The following LMBR1 variants were observed in gnomAD, a reference collection of about 807,000 sequenced individuals.
LMBR1 encodes the protein limb region 1 protein homolog.
In LMBR1, 52 loss-of-function variants were observed where a neutral mutation model predicts 73.9. The observed-to-expected ratio is 0.70, with a 90% CI of 0.56 to 0.89. The LOEUF (loss-of-function observed/expected upper bound fraction) is 0.89. Among genes scored for constraint, LMBR1 ranks in the 40% least tolerant of loss-of-function variants. The pLI, the probability that LMBR1 is intolerant of heterozygous loss-of-function variation, is 0.00. For missense variants in LMBR1, 539 were observed against 579.8 expected (o/e 0.93, Z 0.72); for synonymous variants, 215 against 209.4 (o/e 1.03, Z -0.23).
intron 9 of LMBR1, among the ~76,000 whole-genome samples, chr7:156,747,728 A>G (rs1820103686): frequency 6.6e-6 from 1 of 152,196 alleles, no homozygotes. Flanking sequence ...ATTATCCAAG[A>G]AGCTCTTTAA....
chr7:156,697,320 G>T (rs914627975), intron 15 of LMBR1, among the ~76,000 whole-genome samples: 1 of 152,096 alleles, frequency 6.6e-6, no homozygotes, highest in African/African-American at 2.4e-5. Flanking sequence ...CACTGATAAG[G>T]GTCTGTTCAG....
chr7:156,798,203 T>C (rs986166757), intron 4 of LMBR1, among the ~76,000 whole-genome samples: 20 of 152,204 alleles, frequency 1.3e-4, no homozygotes, highest in African/African-American at 4.8e-4. Flanking sequence ...TCTGTAGACA[T>C]TGGTAAGCAT....
In LMBR1 at chr7:156,683,822, CAGA is replaced by C; in HGVS notation, c.*253_*255del. 2.8e-6 allele frequency: 1 copy of C among 363,038 alleles called. No individual in the cohort carries two copies. The highest frequency in any genetic ancestry group is 7.2e-4 in the Middle Eastern group (1 of 1,396). The allele number at this position is 363,038 out of a possible 1,614,324, so 22.5% of individuals were successfully genotyped here. ...ATTTACCAACATGAGCAAATGTCTA[CAGA>C]AGAATGCGCTGTTCTATATGTCTGT... On this transcript the variant is annotated 3_prime_UTR_variant, in exon 17 of 17. Coordinates refer to ENST00000353442, the MANE Select transcript of LMBR1 (RefSeq NM_022458.4).
At chr7:156,773,760 C>T (rs1347418493) in intron 5 of LMBR1, among the ~76,000 whole-genome samples, 1 of 151,914 alleles carries the variant, frequency 6.6e-6, no homozygotes, top group African/African-American at 2.4e-5. Context: ...GGAAAAAAAA[C>T]CTAGGAAATA....
intron 3 of LMBR1, among the ~76,000 whole-genome samples, chr7:156,827,077 A>G (rs970491671): frequency 6.6e-6 from 1 of 152,200 alleles, no homozygotes; most frequent in African/African-American, 2.4e-5. Flanking sequence ...TTTATTTCAC[A>G]ATTGCATTTA....
At chr7:156,771,640 G>A (rs567799910) in intron 5 of LMBR1, among the ~76,000 whole-genome samples, 139 of 152,134 alleles carry the variant, frequency 9.1e-4, no homozygotes, top group Middle Eastern at 6.8e-3. Flanking sequence ...ATTCATGACC[G>A]AATCCTATCA....
intron 15 of LMBR1, among the ~76,000 whole-genome samples, chr7:156,690,975 T>C (rs58425011): frequency 0.069 from 10,469 of 152,086 alleles, 411 homozygotes; most frequent in East Asian, 0.15. Flanking sequence ...TAAGAAAAAA[T>C]GGCAATACTC....
intron 1 of LMBR1, among the ~76,000 whole-genome samples, chr7:156,859,551 T>A (rs1221880418): frequency 6.9e-6 from 1 of 144,090 alleles, no homozygotes; most frequent in Non-Finnish European, 1.5e-5. Context: ...TACCAGCAAT[T>A]AACAACTGGA....
intron 1 of LMBR1, among the ~76,000 whole-genome samples, chr7:156,848,930 C>CAAA (rs4019953): frequency 5.7e-4 from 64 of 111,642 alleles, no homozygotes; most frequent in Admixed American, 3.9e-3. Flanking sequence ...GACTCTGTCT[C>CAAA]AAAAAAAAAA....
intron 15 of LMBR1, among the ~76,000 whole-genome samples, chr7:156,688,545 G>A (rs1233964597): frequency 4.6e-5 from 7 of 151,896 alleles, no homozygotes; most frequent in African/African-American, 7.3e-5. Flanking sequence ...GAGACAGGAC[G>A]GCTGTAACTG....
rs981256596 is a variant in LMBR1 at position 156,669,469 on chromosome 7, A to G, written n.867-182T>C. ...ATGGAGGAACCGTGCCGTTCCCTGG[A>G]ACCTCTGTCCAGGCAGAGGGCAGCA... On this transcript the variant is annotated intron_variant and non_coding_transcript_variant, in intron 4 of 4. Transcript: ENST00000430825. The surrounding 1 kb of genome is among the most constrained non-coding windows in gnomAD (Gnocchi z 4.2). Among the ~76,000 whole-genome samples the G allele has an allele frequency of 2.0e-5, 3 of 152,132 alleles. No individual in the cohort carries two copies. Among genetic ancestry groups the G allele is most frequent in the Admixed American group, 6.5e-5 (1 of 15,276 alleles).
At position 156,784,272 on chromosome 7, in the gene LMBR1, C is replaced by A. The variant is rs1827691430; in HGVS notation, c.423+12117G>T. ...TCAAATGTTTGTTCGTCTTTGAATTCTCTGTTCATCTCCGTATTTAAGAAC... is the reference window on the plus strand; with the variant it reads ...TCAAATGTTTGTTCGTCTTTGAATTATCTGTTCATCTCCGTATTTAAGAAC... On this transcript the variant is annotated intron_variant, in intron 5 of 16. Coordinates refer to ENST00000353442, the MANE Select transcript of LMBR1 (RefSeq NM_022458.4). Among the ~76,000 whole-genome samples, 4 of 152,124 alleles carry A rather than the reference C, an allele frequency of 2.6e-5. No individual in the cohort carries two copies. The South Asian group carries it at 8.3e-4, about 31-fold the overall frequency.
intron 15 of LMBR1, among the ~76,000 whole-genome samples, chr7:156,704,567 G>A (rs1179363570): frequency 1.3e-5 from 2 of 149,880 alleles, no homozygotes; most frequent in African/African-American, 2.5e-5. Context: ...CACCCTCAAA[G>A]GAAAACAATA....
At chr7:156,794,629 A>G (rs1829789311) in intron 5 of LMBR1, among the ~76,000 whole-genome samples, 1 of 152,212 alleles carries the variant, frequency 6.6e-6, no homozygotes, top group African/African-American at 2.4e-5. Flanking sequence ...TATAAAAAGT[A>G]TAAATTAGGT....
At chr7:156,727,786 G>C (rs951113141) in intron 12 of LMBR1, 144 bp downstream of exon 12, 12 of 369,276 alleles carry the variant, frequency 3.2e-5, no homozygotes, top group Non-Finnish European at 5.3e-5. Flanking sequence ...ATATTTTAAA[G>C]GCTCTTTGCA....
chr7:156,851,887 T>C lies in LMBR1; in HGVS notation c.67-15002A>G, dbSNP rs58788929. Among the ~76,000 whole-genome samples, 601 of 152,302 alleles carry C rather than the reference T, an allele frequency of 3.9e-3. 8 individuals carry two copies. Among genetic ancestry groups the C allele is most frequent in the African/African-American group, 0.014 (582 of 41,560 alleles). ...CAGGATGAAAGTACTATTTTCAAAA[T>C]GAACACAATAAAATTTATTCTAATA... is the stretch of plus-strand genomic sequence containing the variant. On this transcript the variant is annotated intron_variant, in intron 1 of 16. Transcript: ENST00000353442.
intron 16 of LMBR1, 57 bp downstream of exon 16, chr7:156,687,973 A>C: frequency 1.4e-6 from 2 of 1,428,162 alleles, no homozygotes; most frequent in Non-Finnish European, 1.9e-6. Flanking sequence ...ATATTAACTC[A>C]AATGTCAAAA....
At chr7:156,830,671 A>G (rs1211354706) in intron 3 of LMBR1, among the ~76,000 whole-genome samples, 1 of 152,246 alleles carries the variant, frequency 6.6e-6, no homozygotes, top group African/African-American at 2.4e-5. Flanking sequence ...CATCTCAGCT[A>G]ATCAATAAAC....
chr7:156,681,138 C>T lies in LMBR1; in HGVS notation c.*2940G>A, dbSNP rs1804952356. On this transcript the variant is annotated 3_prime_UTR_variant, in exon 17 of 17. Coordinates refer to ENST00000353442, the MANE Select transcript of LMBR1 (RefSeq NM_022458.4). ...CTTTATGCATTAAATAACGTGCTAC[C>T]AACAAAACTAGCACATAAGAGCCTG... 2.3e-6 allele frequency: 1 copy of T among 443,116 alleles called. No homozygotes were observed. Among genetic ancestry groups the T allele is most frequent in the Non-Finnish European group, 4.5e-6 (1 of 222,754 alleles). 27.4% of individuals were successfully genotyped at this position (443,116 alleles called of 1,614,324 possible).
Sources: allele counts gnomAD v4.1 joint callset (sites outside exome capture counted in the v4.1 genomes callset), GRCh38; gene constraint gnomAD v4.1.1; non-coding constraint Gnocchi (gnomAD v3.1); transcripts MANE v1.5; gene names NCBI Gene and HGNC (gene_info 2026-07-23, HGNC 2026-07-21).